Variants in RAF1 observed in about 807,000 individuals in gnomAD.
RAF1 encodes the protein Raf-1 proto-oncogene, serine/threonine kinase, also known as RAF proto-oncogene serine/threonine-protein kinase.
A neutral mutation model predicts 81.1 loss-of-function variants in RAF1; 27 were observed. That is an observed-to-expected ratio of 0.33 (90% CI 0.25 to 0.46). The LOEUF (loss-of-function observed/expected upper bound fraction) is 0.46. RAF1 is among the 20% of genes least tolerant of loss of function. The pLI is 1.00. For synonymous variants in RAF1, 298 were observed against 294.0 expected (o/e 1.01, Z -0.14); for missense variants, 598 against 826.0 (o/e 0.72, Z 3.38).
At chr3:12,600,657 G>A (rs1471877966) in intron 8 of RAF1, among the ~76,000 whole-genome samples, 4 of 152,254 alleles carry the variant, frequency 2.6e-5, no homozygotes, top group South Asian at 4.1e-4. Context: ...CACCTCCCAG[G>A]TTCAAGCAAT....
In RAF1 at chr3:12,599,733, C is replaced by T. The variant is rs2125377727; in HGVS notation, c.1126G>A (p.Gly376Arg). ...TAAACAGTTCCAAAAGAGCCTGACC[C>T]AATCCGAGTGGACAGCATCACTTCA... Residue 376 changes from glycine (G) to arginine (R), a missense_variant, in exon 11 of 18, where the codon GGG (glycine) becomes AGG (arginine). Physicochemically the swap from Gly to Arg is moderately radical, Grantham distance 125 (BLOSUM62 -2). Transcript: ENST00000442415. The T allele has an allele frequency of 6.2e-7, 1 of 1,614,140 alleles. No homozygotes were observed.
At chr3:12,637,886 T>C (rs2060078140) in intron 1 of RAF1, among the ~76,000 whole-genome samples, 1 of 152,038 alleles carries the variant, frequency 6.6e-6, no homozygotes, top group Non-Finnish European at 1.5e-5. Context: ...GGACATATTA[T>C]TAAATACCCT....
chr3:12,609,035 A>T lies in RAF1; in HGVS notation c.424-112T>A. 2.4e-6 allele frequency: 3 copies of T among 1,238,890 alleles called. No homozygotes were observed. The South Asian group carries it at 3.8e-5, about 16-fold the overall frequency. The allele number at this position is 1,238,890 out of a possible 1,614,324, so 76.7% of individuals were successfully genotyped here. ...TTACAAAATGAATCATACTTCCAGCATGTACAGAATTCATAATCACAAATT... is the reference window on the plus strand; with the variant it reads ...TTACAAAATGAATCATACTTCCAGCTTGTACAGAATTCATAATCACAAATT... On this transcript the variant is annotated intron_variant, in intron 4 of 17. Coordinates refer to ENST00000442415, the MANE Select transcript of RAF1 (RefSeq NM_001354689.3).
intron 13 of RAF1, 149 bp downstream of exon 12, chr3:12,590,649 A>C: frequency 1.1e-6 from 1 of 898,884 alleles, no homozygotes. Context: ...CTCATTCCTG[A>C]TAATTGGCCC....
At position 12,609,281 on chromosome 3, in the gene RAF1, T is replaced by G; in HGVS notation, c.375A>C (p.Glu125Asp). The change falls in exon 4 of 18, where the codon GAA (glutamate) becomes GAC (aspartate). Residue 125 changes from glutamate to aspartate, a missense_variant. Transcript: ENST00000442415. The stretch of plus-strand genomic sequence containing the variant: ...CATGATCCAGGAAATCTACTTGAAG[T>G]TCTTCTCCAATCAAAGACGCAGCAT... The G allele has an allele frequency of 1.2e-6, 2 of 1,613,824 alleles. No individual in the cohort carries two copies. Among genetic ancestry groups the G allele is most frequent in the Non-Finnish European group, 1.7e-6 (2 of 1,179,766 alleles).
At position 12,585,114 on chromosome 3, in the gene RAF1, A is replaced by C; in HGVS notation, c.1728+8T>G. 6.2e-7 allele frequency: 1 copy of C among 1,614,182 alleles called. No homozygotes were observed. The highest frequency in any genetic ancestry group is 8.5e-7 in the Non-Finnish European group (1 of 1,180,032). ...GAGTTGGGTCCTTTCGCACCAGCAC[A>C]GACTTACCTGATCTCGGTTGTTGAT... On this transcript the variant is annotated splice_region_variant and intron_variant, in intron 16 of 17. Coordinates refer to ENST00000442415, the MANE Select transcript of RAF1 (RefSeq NM_001354689.3).
chr3:12,663,508 T>TA (rs574441980), intron 1 of RAF1, among the ~76,000 whole-genome samples: 275 of 152,340 alleles, frequency 1.8e-3, no homozygotes, highest in Non-Finnish European at 2.5e-3. Context: ...GGGGCAGCTC[T>TA]GGGCGGATTT....
intron 3 of RAF1, among the ~76,000 whole-genome samples, chr3:12,611,312 G>C (rs2125427446): frequency 1.3e-5 from 2 of 151,984 alleles, no homozygotes; most frequent in South Asian, 4.2e-4. Context: ...CAAGCCCCTG[G>C]GGTCATGCAA....
chr3:12,624,897 A>AAAAAC (rs2059657711), intron 1 of RAF1, among the ~76,000 whole-genome samples: 1 of 139,032 alleles, frequency 7.2e-6, no homozygotes, highest in African/African-American at 2.7e-5. Flanking sequence ...AAAAAAAAAA[A>AAAAAC]AAAAACAAAA....
chr3:12,593,058 T>G (rs991006870), intron 11 of RAF1, among the ~76,000 whole-genome samples: 2 of 150,252 alleles, frequency 1.3e-5, no homozygotes, highest in African/African-American at 4.9e-5. Context: ...CTTTCAAAAG[T>G]GTTTCTGGAG....
In RAF1 at chr3:12,584,351, A is replaced by G. The variant is rs1448948388; in HGVS notation, c.*163T>C. 6 of 862,556 alleles carry G rather than the reference A, an allele frequency of 7.0e-6. No individual in the cohort carries two copies. The highest frequency in any genetic ancestry group is 6.4e-5 in the South Asian group (4 of 62,268). The allele number at this position is 862,556 out of a possible 1,614,324, so 53.4% of individuals were successfully genotyped here. Reference sequence around the variant, plus strand: ...TTCTCCCAGGGCCCAAAGGGATAGAAAAGAAGGCAACATGAAGTTAAGGCC... The same window carrying G: ...TTCTCCCAGGGCCCAAAGGGATAGAGAAGAAGGCAACATGAAGTTAAGGCC... On this transcript the variant is annotated 3_prime_UTR_variant, in exon 18 of 18. Coordinates refer to ENST00000442415, the MANE Select transcript of RAF1 (RefSeq NM_001354689.3).
In RAF1 at chr3:12,642,381, C is replaced by T. The variant is rs1024047126; in HGVS notation, c.-27+21432G>A. Reference sequence around the variant, plus strand: ...ACAACTAGCCAGGCGTAGTGGCAGGCGCTTGTAATCCCAGCTAGTCGGGAG... The same window carrying T: ...ACAACTAGCCAGGCGTAGTGGCAGGTGCTTGTAATCCCAGCTAGTCGGGAG... On this transcript the variant is annotated intron_variant, in intron 1 of 17. Coordinates refer to ENST00000442415, the MANE Select transcript of RAF1 (RefSeq NM_001354689.3). 2.2e-3 allele frequency among the ~76,000 whole-genome samples: 325 copies of T among 149,906 alleles called. 2 individuals carry two copies. The highest frequency in any genetic ancestry group is 3.6e-3 in the Non-Finnish European group (243 of 67,656).
At chr3:12,597,398 A>G (rs1282097644) in intron 11 of RAF1, among the ~76,000 whole-genome samples, 1 of 152,220 alleles carries the variant, frequency 6.6e-6, no homozygotes, top group Non-Finnish European at 1.5e-5. Context: ...GAGGAAAATT[A>G]AACTTGGGTA....
chr3:12,653,246 C>T (rs2060589248), intron 1 of RAF1, among the ~76,000 whole-genome samples: 1 of 152,110 alleles, frequency 6.6e-6, no homozygotes, highest in Non-Finnish European at 1.5e-5. Context: ...CTTGCTACTG[C>T]ACTCCAGCCT....
At chr3:12,592,234 C>G (rs748078926) in intron 11 of RAF1, among the ~76,000 whole-genome samples, 2 of 152,178 alleles carry the variant, frequency 1.3e-5, no homozygotes, top group Non-Finnish European at 2.9e-5. Flanking sequence ...TCAGTGCATA[C>G]ATATGAATGG....
At position 12,593,800 on chromosome 3, in the gene RAF1, T is replaced by TTC. The variant is rs1553611712; in HGVS notation, c.1169-2009_1169-2008insGA. ...GGGAGTAAATCCTTTTTTTTTTTTT[T>TTC]TTTTTCTTTTTTAGAGATGGGGCCT... On this transcript the variant is annotated intron_variant, in intron 11 of 17. Transcript: ENST00000442415. Among the ~76,000 whole-genome samples the TTC allele has an allele frequency of 3.8e-3, 562 of 149,800 alleles. 4 individuals carry two copies. Among genetic ancestry groups the TTC allele is most frequent in the Middle Eastern group, 6.8e-3 (2 of 292 alleles).
Position 12,653,872 on chromosome 3 carries a change from A to G in RAF1, c.-27+9941T>C, listed in dbSNP as rs143227618. 9.2e-5 allele frequency among the ~76,000 whole-genome samples: 14 copies of G among 152,342 alleles called. No individual in the cohort carries two copies. The East Asian group carries it at 2.3e-3, about 25-fold the overall frequency. Reference sequence around the variant, plus strand: ...GATGCTGGAAGCGCTCCCAAGAAGCAAAGAAAAGCCATGACATTATAATAA... The same window carrying G: ...GATGCTGGAAGCGCTCCCAAGAAGCGAAGAAAAGCCATGACATTATAATAA... On this transcript the variant is annotated intron_variant, in intron 1 of 17. Transcript: ENST00000442415.
At chr3:12,616,214 T>C (rs1302004694) in intron 2 of RAF1, among the ~76,000 whole-genome samples, 3 of 152,302 alleles carry the variant, frequency 2.0e-5, no homozygotes, top group East Asian at 1.9e-4. Flanking sequence ...AGGATTTAAA[T>C]TGGGATTTTC....
At chr3:12,597,092 G>A (rs542299000) in intron 11 of RAF1, among the ~76,000 whole-genome samples, 29 of 152,112 alleles carry the variant, frequency 1.9e-4, no homozygotes, top group Middle Eastern at 3.4e-3. Flanking sequence ...TAGAGACGGG[G>A]TTTCACCGTG....
Sources: allele counts gnomAD v4.1 joint callset (sites outside exome capture counted in the v4.1 genomes callset), GRCh38; gene constraint gnomAD v4.1.1; transcripts MANE v1.5; gene names NCBI Gene and HGNC (gene_info 2026-07-23, HGNC 2026-07-21).